TRAPPC13: variants seen among roughly 807,000 people sequenced by gnomAD.
TRAPPC13 encodes the protein REV7-interacting novel NHEJ regulator 1.
TRAPPC13 carries 39 observed loss-of-function variants against 54.0 expected under a neutral mutation model. The ratio of observed to expected loss-of-function variants is 0.72; its 90% CI spans 0.56 to 0.94. The LOEUF is 0.94. TRAPPC13 is among the 40% of genes least tolerant of loss of function. TRAPPC13 has a pLI of 0.00. For missense variants in TRAPPC13, 386 were observed against 488.1 expected, an observed-to-expected ratio of 0.79 and a Z score of 1.97; for synonymous variants, 148 against 167.7, an observed-to-expected ratio of 0.88 and a Z score of 0.91.
chr5:65,636,169 A>C lies in TRAPPC13; in HGVS notation c.215+126A>C, dbSNP rs1331736610. 6.5e-6 allele frequency: 4 copies of C among 612,234 alleles called. No homozygotes were observed. The East Asian group carries it at 1.2e-4, about 19-fold the overall frequency. 37.9% of individuals were successfully genotyped at this position (612,234 alleles called of 1,614,324 possible). A position where few individuals can be genotyped will look rare whatever the true frequency, so the allele number is the denominator to read the frequency against. On this transcript the variant is annotated intron_variant, in intron 3 of 12. Transcript: ENST00000399438. ...CTTTTTTTTTTTTTTTCTGAGATGG[A>C]GTCTCGCTCTATTGCCCAGGCTGGA...
At chr5:65,647,566 C>T (rs71626596) in intron 5 of TRAPPC13, among the ~76,000 whole-genome samples, 7,352 of 151,964 alleles carry the variant, frequency 0.048, 310 homozygotes, top group African/African-American at 0.097. Context: ...GGTATATGCA[C>T]TCTGTCCTGA....
chr5:65,638,337 A>T (rs1755841068), intron 4 of TRAPPC13, among the ~76,000 whole-genome samples: 1 of 152,170 alleles, frequency 6.6e-6, no homozygotes. Context: ...AAAGCTAAAT[A>T]GCAGTTTAGT....
intron 4 of TRAPPC13, among the ~76,000 whole-genome samples, chr5:65,644,232 T>C (rs955545812): frequency 1.5e-4 from 23 of 152,138 alleles, no homozygotes; most frequent in African/African-American, 5.1e-4. Flanking sequence ...TGATTCCAAG[T>C]AGACCCTTTC....
chr5:65,652,161 C>T (rs1347170628), intron 6 of TRAPPC13, among the ~76,000 whole-genome samples: 1 of 151,618 alleles, frequency 6.6e-6, no homozygotes, highest in Non-Finnish European at 1.5e-5. Flanking sequence ...CTGCACCCAG[C>T]TCAGTTGCTT....
At chr5:65,660,288 A>T (rs1345883977) in intron 9 of TRAPPC13, among the ~76,000 whole-genome samples, 4 of 152,026 alleles carry the variant, frequency 2.6e-5, no homozygotes, top group Non-Finnish European at 4.4e-5. Context: ...TAATTGATAC[A>T]TGTTCAATTT....
At chr5:65,628,398 A>G (rs1342039528) in intron 1 of TRAPPC13, among the ~76,000 whole-genome samples, 1 of 152,174 alleles carries the variant, frequency 6.6e-6, no homozygotes, top group African/African-American at 2.4e-5. Context: ...AGTTTTTACT[A>G]CAGAGAATGA....
intron 5 of TRAPPC13, among the ~76,000 whole-genome samples, chr5:65,649,781 T>C (rs1004878712): frequency 6.6e-6 from 1 of 152,204 alleles, no homozygotes; most frequent in Non-Finnish European, 1.5e-5. Flanking sequence ...GTAATTGTTT[T>C]AGTGTTTTTG....
chr5:65,629,724 G>C, intron 1 of TRAPPC13: 3 of 1,535,994 alleles, frequency 2.0e-6, no homozygotes, highest in East Asian at 2.4e-5. Flanking sequence ...CCATATGATG[G>C]GTCCAAGCTT....
chr5:65,625,344 T>C, intron 1 of TRAPPC13: 1 of 437,824 alleles, frequency 2.3e-6, no homozygotes, highest in Non-Finnish European at 4.1e-6. Context: ...GCTGCTTCAG[T>C]CACGAGATTT....
intron 4 of TRAPPC13, among the ~76,000 whole-genome samples, chr5:65,645,327 T>C (rs2150677621): frequency 1.3e-5 from 2 of 152,186 alleles, no homozygotes; most frequent in Admixed American, 1.3e-4. Context: ...ATAATACTAA[T>C]ACCTACTTCA....
chr5:65,664,582 G>GTATCT lies in TRAPPC13; in HGVS notation c.1227_1231dup (p.Ser411TyrfsTer16). On this transcript the variant is annotated frameshift_variant, in exon 13 of 13. Coordinates refer to ENST00000399438, the MANE Select transcript of TRAPPC13 (RefSeq NM_024941.4). LOFTEE classifies it high-confidence loss of function. ...TGATGACATCGCACAAGTCTGTGTGGTATCTTCTGCCATTAAAGTGGAAAG... is the reference window on the plus strand; with the variant it reads ...TGATGACATCGCACAAGTCTGTGTGGTATCTTATCTTCTGCCATTAAAGTGGAAAG... 1 of 1,612,510 alleles carries GTATCT rather than the reference G, an allele frequency of 6.2e-7. No homozygotes were observed. The highest frequency in any genetic ancestry group is 1.3e-5 in the African/African-American group (1 of 74,904).
In TRAPPC13 at chr5:65,633,073, G is replaced by A. The variant is rs1416102655; in HGVS notation, c.47-2228G>A. Among the ~76,000 whole-genome samples the A allele has an allele frequency of 3.9e-5, 6 of 152,162 alleles. No homozygotes were observed. In the South Asian group the frequency reaches 1.2e-3, roughly 31 times the overall value. On this transcript the variant is annotated intron_variant, in intron 1 of 12. Transcript: ENST00000399438. Reference sequence around the variant, plus strand: ...GCATGATAAATACAAGGTACCATGAGTGAAACAGAATGACCTGTTACTTTT... The same window carrying A: ...GCATGATAAATACAAGGTACCATGAATGAAACAGAATGACCTGTTACTTTT...
At chr5:65,643,837 G>A (rs200846698) in intron 4 of TRAPPC13, among the ~76,000 whole-genome samples, 162 of 132,820 alleles carry the variant, frequency 1.2e-3, no homozygotes, top group East Asian at 2.1e-3. Context: ...AAAAAAGAAA[G>A]AAAAAAAAAA....
chr5:65,625,227 C>A, intron 1 of TRAPPC13, 121 bp downstream of exon 1: 1 of 862,498 alleles, frequency 1.2e-6, no homozygotes, highest in South Asian at 1.4e-5. Flanking sequence ...CTGCTCTGTC[C>A]TTTGCCGCCA....
chr5:65,647,079 C>T lies in TRAPPC13; in HGVS notation c.325C>T (p.Arg109Cys). Residue 109 changes from arginine (R) to cysteine (C), a missense_variant, in exon 5 of 13, where the codon CGT becomes TGT. Arg to Cys is a radical substitution (Grantham distance 180). Transcript: ENST00000399438. ...GGCTGATCTTCAGACAAGTTCTCAG[C>T]GTTTAAATCTTTCAGCCTCCAATGC... ...VKADLQTSSQRLNLSASNAAV... is the reference protein window; with the variant it reads ...VKADLQTSSQCLNLSASNAAV... The T allele has an allele frequency of 6.5e-7, 1 of 1,548,704 alleles. No homozygotes were observed. Among genetic ancestry groups the T allele is most frequent in the Non-Finnish European group, 8.7e-7 (1 of 1,145,782 alleles).
intron 1 of TRAPPC13, chr5:65,629,693 T>C (rs1347461785): frequency 2.0e-6 from 3 of 1,536,068 alleles, no homozygotes; most frequent in South Asian, 2.4e-5. Flanking sequence ...TCGTCCGCTA[T>C]CAAGATTTAT....
chr5:65,645,189 ACT>A (rs1177150200), intron 4 of TRAPPC13, among the ~76,000 whole-genome samples: 27 of 97,120 alleles, frequency 2.8e-4, no homozygotes, highest in Non-Finnish European at 5.0e-4. Context: ...CAAGAGTGAA[ACT>A]CTGTCTCAAA....
chr5:65,649,253 C>G (rs1273100954), intron 5 of TRAPPC13, among the ~76,000 whole-genome samples: 1 of 151,960 alleles, frequency 6.6e-6, no homozygotes, highest in East Asian at 1.9e-4. Context: ...CTCCATCTAA[C>G]ACAATTGTAC....
chr5:65,638,681 G>A (rs962809850), intron 4 of TRAPPC13, among the ~76,000 whole-genome samples: 13 of 152,318 alleles, frequency 8.5e-5, no homozygotes, highest in African/African-American at 2.4e-4. Flanking sequence ...ATAGTTCCAC[G>A]TAGCTGGGGA....
Sources: gnomAD v4.1 joint callset for allele counts (sites outside exome capture counted in the v4.1 genomes callset) on GRCh38, gnomAD v4.1.1 for gene constraint, MANE v1.5 for transcripts, NCBI Gene and HGNC (gene_info 2026-07-23, HGNC 2026-07-21) for gene names.